PCDHAC1: variants seen among roughly 807,000 people sequenced by gnomAD.
The protein encoded by PCDHAC1 is protocadherin alpha subfamily C, 1.
Under a neutral mutation model 60.0 loss-of-function variants are expected in PCDHAC1, and 42 were observed. That is an observed-to-expected ratio of 0.70 (90% CI 0.55 to 0.90). PCDHAC1 has a LOEUF of 0.90. Ranked by LOEUF, PCDHAC1 falls within the 40% of genes least tolerant of loss-of-function variation. PCDHAC1 has a pLI of 0.00. For missense variants in PCDHAC1, 1,160 were observed against 1,222.3 expected (o/e 0.95, Z 0.76); for synonymous variants, 468 against 499.3 (o/e 0.94, Z 0.84).
At chr5:140,958,145 A>G (rs1044763099) in intron 1 of PCDHAC1, among the ~76,000 whole-genome samples, 4 of 152,156 alleles carry the variant, frequency 2.6e-5, no homozygotes, top group African/African-American at 4.8e-5. Context: ...GTATATTTAT[A>G]TAGCATAGTC....
chr5:140,967,229 C>T, intron 1 of PCDHAC1: 2 of 1,613,760 alleles, frequency 1.2e-6, no homozygotes, highest in East Asian at 2.2e-5. Flanking sequence ...CAACTACCAG[C>T]TTCAGGTAAG....
intron 1 of PCDHAC1, among the ~76,000 whole-genome samples, chr5:140,944,308 C>T (rs1385219466): frequency 6.6e-6 from 1 of 152,138 alleles, no homozygotes; most frequent in Non-Finnish European, 1.5e-5. Context: ...CTACCTCAGC[C>T]TCCTGAGTAG....
chr5:140,995,998 C>T (rs1197239441), intron 3 of PCDHAC1, among the ~76,000 whole-genome samples: 1 of 152,192 alleles, frequency 6.6e-6, no homozygotes, highest in Non-Finnish European at 1.5e-5. Context: ...TCAAAAATGT[C>T]GTCAGAACTA....
In PCDHAC1 at chr5:140,929,038, C is replaced by T; in HGVS notation, c.2146C>T (p.Gln716Ter). 1.2e-6 allele frequency: 2 copies of T among 1,614,158 alleles called. No individual in the cohort carries two copies. Among genetic ancestry groups the T allele is most frequent in the South Asian group, 1.1e-5 (1 of 91,072 alleles). Residue 716 changes from glutamine (Q) to a stop codon, truncating the protein, a stop_gained, in exon 1 of 4, where the codon CAG (glutamine) becomes TAG (stop). Transcript: ENST00000253807. LOFTEE classifies it high-confidence loss of function. ...GCACCAGAGCCCAGGCTGTTGCGCT[C>T]AGAGCTGCTGTCGCTCTACAGAGGA... ...KLHQSPGCCAQSCCRSTEDLR... is the reference protein window; with the variant it reads ...KLHQSPGCCA
At chr5:140,979,257 C>T (rs1454477008) in intron 2 of PCDHAC1, among the ~76,000 whole-genome samples, 1 of 152,194 alleles carries the variant, frequency 6.6e-6, no homozygotes, top group Non-Finnish European at 1.5e-5. Flanking sequence ...TATGTATTTT[C>T]TCCCATCAAA....
rs782344407 is a variant in PCDHAC1 at position 140,928,808 on chromosome 5, G to T, written c.1916G>T (p.Arg639Leu). 3.7e-6 allele frequency: 6 copies of T among 1,614,062 alleles called. No homozygotes were observed. In the Admixed American group the frequency reaches 1.0e-4, roughly 27 times the overall value. The stretch of plus-strand genomic sequence containing the variant: ...AAGCAGAGGGTGGTGGTAGTGGTTC[G>T]GGACCATGGAGACCCACCACTTTCC... The part of the protein sequence containing the change: ...AVKQRVVVVV[R>L]DHGDPPLSSS... Residue 639 changes from arginine (R) to leucine (L), a missense_variant, in exon 1 of 4, where the codon CGG (arginine) becomes CTG (leucine). Arg to Leu is a moderately radical substitution (Grantham distance 102). Coordinates refer to ENST00000253807, the MANE Select transcript of PCDHAC1 (RefSeq NM_018898.5).
chr5:140,968,782 C>G, intron 1 of PCDHAC1: 1 of 1,614,192 alleles, frequency 6.2e-7, no homozygotes, highest in South Asian at 1.1e-5. Flanking sequence ...CACTATCAGC[C>G]TCTGTGGCCA....
Position 140,926,951 on chromosome 5 carries a change from G to T in PCDHAC1, c.59G>T (p.Gly20Val), listed in dbSNP as rs1554203848. ...CLWVSCGAAA[G>V]QLEYSVPEET... Reference sequence around the variant, plus strand: ...TGGGTTTCCTGCGGCGCTGCAGCGGGACAGCTCGAGTACTCAGTGCCGGAG... The same window carrying T: ...TGGGTTTCCTGCGGCGCTGCAGCGGTACAGCTCGAGTACTCAGTGCCGGAG... The change falls in exon 1 of 4, where the codon GGA (glycine) becomes GTA (valine). Residue 20 changes from glycine to valine, a missense_variant. By Grantham distance (109) the Gly-to-Val change is moderately radical. Around this residue, in one of 3 missense-constraint regions of PCDHAC1, gnomAD observed 43 missense variants for 40.4 expected, o/e 1.06. Transcript: ENST00000253807. The T allele has an allele frequency of 1.9e-6, 3 of 1,596,266 alleles. No homozygotes were observed. The highest frequency in any genetic ancestry group is 1.7e-4 in the Middle Eastern group (1 of 5,982).
chr5:141,009,132 G>GA (rs1172401436), intron 3 of PCDHAC1, among the ~76,000 whole-genome samples: 11 of 152,202 alleles, frequency 7.2e-5, no homozygotes, highest in African/African-American at 2.4e-4. Flanking sequence ...GTATCCTGGT[G>GA]AAAAAACCTG....
chr5:140,927,581 C>T lies in PCDHAC1; in HGVS notation c.689C>T (p.Ala230Val), dbSNP rs1554204769. The T allele has an allele frequency of 6.2e-7, 1 of 1,614,150 alleles. No homozygotes were observed. The highest frequency in any genetic ancestry group is 2.2e-5 in the East Asian group (1 of 44,864). Residue 230 changes from alanine (A) to valine (V), a missense_variant, in exon 1 of 4, where the codon GCG (alanine) becomes GTG (valine). Physicochemically the swap from Ala to Val is moderately conservative, Grantham distance 64 (BLOSUM62 0). This residue lies in a region of PCDHAC1 where 1,113 missense variants were observed against 1,163.7 expected (regional missense o/e 0.96). Coordinates refer to ENST00000253807, the MANE Select transcript of PCDHAC1 (RefSeq NM_018898.5). ...ATTGTGGTGGACACAAATGACAACG[C>T]GCCTGTATTTGAGCGCTCCGTATAC... ...TIIVVDTNDN[A>V]PVFERSVYRT...
At chr5:140,976,637 A>G (rs781951504) in intron 1 of PCDHAC1, among the ~76,000 whole-genome samples, 16 of 152,226 alleles carry the variant, frequency 1.1e-4, no homozygotes, top group Non-Finnish European at 1.5e-4. Flanking sequence ...CAGCAATCAG[A>G]CAAGTAATTT....
chr5:140,966,930 G>A (rs1554228913), intron 1 of PCDHAC1: 1 of 1,603,704 alleles, frequency 6.2e-7, no homozygotes, highest in Middle Eastern at 1.7e-4. Flanking sequence ...CAGGCACCCG[G>A]CGCGCTCGTG....
chr5:140,927,153 C>T lies in PCDHAC1; in HGVS notation c.261C>T (p.Cys87=). 1 of 1,614,190 alleles carries T rather than the reference C, an allele frequency of 6.2e-7. No individual in the cohort carries two copies. The highest frequency in any genetic ancestry group is 8.5e-7 in the Non-Finnish European group (1 of 1,180,032). ...VREPADREQL[C]RAKAACVLTY... is the part of the protein sequence containing the mutation. ...AGCCGGCGGACCGCGAACAGCTGTGCAGGGCCAAAGCTGCCTGCGTCTTGA... is the reference window on the plus strand; with the variant it reads ...AGCCGGCGGACCGCGAACAGCTGTGTAGGGCCAAAGCTGCCTGCGTCTTGA... Residue 87 remains cysteine (C), a synonymous_variant, in exon 1 of 4, where the codon TGC becomes TGT. Transcript: ENST00000253807.
Position 140,927,011 on chromosome 5 carries a change from C to T in PCDHAC1, c.119C>T (p.Ser40Phe). The T allele has an allele frequency of 6.2e-7, 1 of 1,612,606 alleles. No individual in the cohort carries two copies. Among genetic ancestry groups the T allele is most frequent in the Non-Finnish European group, 8.5e-7 (1 of 1,179,094 alleles). Reference protein sequence around the residue: ...TERGVAVGNLSADLRLPAAAM... With the variant: ...TERGVAVGNLFADLRLPAAAM... Reference sequence around the variant, plus strand: ...CGGGGCGTAGCCGTAGGCAATCTCTCCGCGGACTTGAGGCTGCCAGCGGCC... The same window carrying T: ...CGGGGCGTAGCCGTAGGCAATCTCTTCGCGGACTTGAGGCTGCCAGCGGCC... Residue 40 changes from serine to phenylalanine, a missense_variant, in exon 1 of 4, where the codon TCC becomes TTC. Ser to Phe is a radical substitution (Grantham distance 155). Coordinates refer to ENST00000253807, the MANE Select transcript of PCDHAC1 (RefSeq NM_018898.5).
intron 3 of PCDHAC1, among the ~76,000 whole-genome samples, chr5:141,005,701 CAAAAAAAAAAAAAAAAA>C (rs59860837): frequency 2.6e-4 from 2 of 7,786 alleles, no homozygotes; most frequent in East Asian, 6.3e-3. Flanking sequence ...AACTCCGTCT[CAAAAAAAAAAAAAAAAA>C]AAAAAAAAAA....
chr5:140,929,715 T>A, intron 1 of PCDHAC1: 1 of 230,486 alleles, frequency 4.3e-6, no homozygotes, highest in East Asian at 9.8e-5. Flanking sequence ...ATATGGAAGG[T>A]GAAACATTTA....
rs375705333 is a variant in PCDHAC1 at position 140,927,955 on chromosome 5, C to T, written c.1063C>T (p.Pro355Ser). Residue 355 changes from proline to serine, a missense_variant, in exon 1 of 4, where the codon CCT becomes TCT. Physicochemically the swap from Pro to Ser is moderately conservative, Grantham distance 74. This residue lies in a region of PCDHAC1 where 1,113 missense variants were observed against 1,163.7 expected (regional missense o/e 0.96). Coordinates refer to ENST00000253807, the MANE Select transcript of PCDHAC1 (RefSeq NM_018898.5). ...LSNPVPEDAA[P>S]GTVIALFSVK... is the part of the protein sequence containing the mutation. ...GAACCCAGTACCTGAGGACGCTGCC[C>T]CTGGCACAGTGATTGCTCTCTTTAG... 34 of 1,614,198 alleles carry T rather than the reference C, an allele frequency of 2.1e-5. 1 individual carries two copies. In the Middle Eastern group the frequency reaches 9.9e-4, roughly 47 times the overall value.
intron 1 of PCDHAC1, among the ~76,000 whole-genome samples, chr5:140,948,708 C>A (rs1376587735): frequency 6.6e-6 from 1 of 151,114 alleles, no homozygotes; most frequent in Non-Finnish European, 1.5e-5. Flanking sequence ...TGTGTTCTAT[C>A]CTCTTTTTTA....
Position 140,927,108 on chromosome 5 carries a change from C to T in PCDHAC1, c.216C>T (p.Ser72=), listed in dbSNP as rs782811125. 3.7e-6 allele frequency: 6 copies of T among 1,613,528 alleles called. No individual in the cohort carries two copies. The highest frequency in any genetic ancestry group is 1.3e-5 in the African/African-American group (1 of 74,908). ...TCTACTTCGGGGTGGATCTACCCAG[C>T]GGCAATTTGGTGGTCAGAGAGCCGG... ...RELYFGVDLP[S]GNLVVREPAD... Residue 72 remains serine (S), a synonymous_variant, in exon 1 of 4, where the codon AGC becomes AGT. Coordinates refer to ENST00000253807, the MANE Select transcript of PCDHAC1 (RefSeq NM_018898.5).
Sources: allele counts gnomAD v4.1 joint callset (sites outside exome capture counted in the v4.1 genomes callset), GRCh38; gene constraint gnomAD v4.1.1; regional missense constraint gnomAD v4.1.1; transcripts MANE v1.5; gene names NCBI Gene and HGNC (gene_info 2026-07-23, HGNC 2026-07-21).